The following MED26 variants were observed in gnomAD, a reference collection of about 807,000 sequenced individuals.
MED26 encodes mediator complex subunit 26.
Under a neutral mutation model 43.7 loss-of-function variants are expected in MED26, and 7 were observed. The ratio of observed to expected loss-of-function variants is 0.16; its 90% CI spans 0.09 to 0.30. MED26 has a LOEUF of 0.30. Ranked by LOEUF, MED26 falls within the 10% of genes least tolerant of loss-of-function variation. The pLI, the probability that MED26 is intolerant of heterozygous loss-of-function variation, is 1.00. For missense variants in MED26, 784 were observed against 840.6 expected (o/e 0.93, Z 0.83); for synonymous variants, 375 against 371.1 (o/e 1.01, Z -0.12).
At position 16,586,003 on chromosome 19, in the gene MED26, T is replaced by C. The variant is rs1025063812; in HGVS notation, c.73-7594A>G. Among the ~76,000 whole-genome samples, 3 of 152,244 alleles carry C rather than the reference T, an allele frequency of 2.0e-5. No homozygotes were observed. The highest frequency in any genetic ancestry group is 7.2e-5 in the African/African-American group (3 of 41,464). On this transcript the variant is annotated intron_variant, in intron 1 of 2. Coordinates refer to ENST00000263390, the MANE Select transcript of MED26 (RefSeq NM_004831.5). The surrounding 1 kb of genome is among the most constrained non-coding windows in gnomAD (Gnocchi z 5.1). Reference sequence around the variant, plus strand: ...CTGGTCTGAAACAAGGAACTGAGACTGAGTTTTGAGTCCCAGCAGCCCCTT... The same window carrying C: ...CTGGTCTGAAACAAGGAACTGAGACCGAGTTTTGAGTCCCAGCAGCCCCTT...
intron 1 of MED26, among the ~76,000 whole-genome samples, chr19:16,605,482 AAC>A (rs573607532): frequency 1.3e-5 from 2 of 152,200 alleles, no homozygotes; most frequent in Non-Finnish European, 1.5e-5. Flanking sequence ...AAATGGATAG[AAC>A]ACAGAGACAG....
intron 1 of MED26, 71 bp from the exon 2 acceptor site, chr19:16,578,480 G>C: frequency 7.0e-7 from 1 of 1,427,652 alleles, no homozygotes; most frequent in South Asian, 1.2e-5. Context: ...CCCTGCCCCA[G>C]CCTGCTCCAG....
chr19:16,618,482 G>A (rs2086235945), intron 1 of MED26, among the ~76,000 whole-genome samples: 1 of 152,244 alleles, frequency 6.6e-6, no homozygotes, highest in Non-Finnish European at 1.5e-5. Context: ...GGCAAATGGA[G>A]TCTGTGGTTT....
At chr19:16,601,929 C>T (rs1301622118) in intron 1 of MED26, among the ~76,000 whole-genome samples, 5 of 152,132 alleles carry the variant, frequency 3.3e-5, no homozygotes, top group Non-Finnish European at 7.4e-5. Flanking sequence ...CCTCAGGGAG[C>T]GACATGGTGA....
At chr19:16,615,714 C>A (rs1411406164) in intron 1 of MED26, among the ~76,000 whole-genome samples, 1 of 151,700 alleles carries the variant, frequency 6.6e-6, no homozygotes, top group East Asian at 1.9e-4. Flanking sequence ...CCATTGCACT[C>A]CAGCCTGGGA....
At chr19:16,592,395 G>C (rs748098712) in intron 1 of MED26, among the ~76,000 whole-genome samples, 91 of 152,344 alleles carry the variant, frequency 6.0e-4, no homozygotes, top group Middle Eastern at 6.8e-3. Flanking sequence ...TGGTGTGACA[G>C]GGTCCAGACA....
intron 1 of MED26, among the ~76,000 whole-genome samples, chr19:16,600,201 C>T (rs992181987): frequency 1.3e-5 from 2 of 151,872 alleles, no homozygotes; most frequent in African/African-American, 4.8e-5. Context: ...CTGCAGCAGC[C>T]CCCTCCTGCT....
rs367966430 is a variant in MED26 at position 16,577,419 on chromosome 19, G to A, written c.411C>T (p.Pro137=). 1.7e-3 allele frequency: 2,701 copies of A among 1,600,990 alleles called. 34 individuals carry two copies. The South Asian group carries it at 0.024, about 14-fold the overall frequency. Residue 137 remains proline, a synonymous_variant, in exon 3 of 3, where the codon CCC becomes CCT. Transcript: ENST00000263390. This position sits in a 1 kb window ranked among gnomAD's most constrained non-coding sequence, Gnocchi z 8.1. The part of the protein sequence containing the change: ...LKSRNDLQRL[P]GQRLDRLGSR... ...TGCCCAGCCTGTCCAGCCGCTGCCC[G>A]GGCAGCCTCTGGAGGTCATTGCGGC...
Position 16,576,025 on chromosome 19 carries a change from G to A in MED26, c.*2C>T, listed in dbSNP as rs149602965. 42 of 1,603,568 alleles carry A rather than the reference G, an allele frequency of 2.6e-5. No individual in the cohort carries two copies. In the Admixed American group the frequency reaches 5.3e-4, roughly 20 times the overall value. On this transcript the variant is annotated 3_prime_UTR_variant, in exon 3 of 3. Transcript: ENST00000263390. The surrounding 1 kb of genome is among the most constrained non-coding windows in gnomAD (Gnocchi z 6.8). ...GAATGCACTTTGTGGCTGACAGGCC[G>A]GTCAGTCCAAGCAGACATAAGGCAG...
rs867438499 is a variant in MED26 at position 16,584,300 on chromosome 19, C to G, written c.73-5891G>C. ...AAACCGAAACCCAAACACTGCCCCC[C>G]CCCGCCCCGCCAAAAAAAAACAAAA... On this transcript the variant is annotated intron_variant, in intron 1 of 2. Transcript: ENST00000263390. Among the ~76,000 whole-genome samples, 116 of 141,540 alleles carry G rather than the reference C, an allele frequency of 8.2e-4. 3 individuals are homozygous for G. The East Asian group carries it at 0.011, about 13-fold the overall frequency. 92.9% of individuals were successfully genotyped at this position (141,540 alleles called of 152,430 possible).
At chr19:16,581,606 G>A (rs2086045864) in intron 1 of MED26, among the ~76,000 whole-genome samples, 1 of 152,248 alleles carries the variant, frequency 6.6e-6, no homozygotes, top group East Asian at 1.9e-4. Context: ...CCATCCTGCT[G>A]CCAGACAAGA....
chr19:16,592,216 C>T (rs887431015), intron 1 of MED26, among the ~76,000 whole-genome samples: 3 of 152,204 alleles, frequency 2.0e-5, no homozygotes, highest in African/African-American at 7.2e-5. Flanking sequence ...AGGTGTGACT[C>T]ATCCAATCCC....
intron 1 of MED26, among the ~76,000 whole-genome samples, chr19:16,595,523 C>T (rs977517431): frequency 5.9e-5 from 9 of 152,152 alleles, no homozygotes; most frequent in African/African-American, 2.2e-4. Context: ...GAAGGGATGA[C>T]ATCCTGTGGT....
intron 1 of MED26, among the ~76,000 whole-genome samples, chr19:16,583,847 A>G (rs2086057699): frequency 6.6e-6 from 1 of 152,186 alleles, no homozygotes; most frequent in Non-Finnish European, 1.5e-5. Context: ...AGAAAAACCA[A>G]GCAGGGAGGC....
rs938029774 is a variant in MED26, at chr19:16,586,758, G to GC, written c.73-8350dup. The GC allele has an allele frequency of 2.0e-5, 3 of 152,234 alleles. No individual in the cohort carries two copies. The highest frequency in any genetic ancestry group is 2.9e-5 in the Non-Finnish European group (2 of 68,068). 9.4% of individuals were successfully genotyped at this position (152,234 alleles called of 1,614,324 possible). A position where few individuals can be genotyped will look rare whatever the true frequency, so the allele number is the denominator to read the frequency against. On this transcript the variant is annotated intron_variant, in intron 1 of 2. Coordinates refer to ENST00000263390, the MANE Select transcript of MED26 (RefSeq NM_004831.5). This position sits in a 1 kb window ranked among gnomAD's most constrained non-coding sequence, Gnocchi z 5.1. ...CCTTCCTGACCACCCTGGACGGTGGGCGGCACTGCCCTGGCAGCCTGTGGG... is the reference window on the plus strand; with the variant it reads ...CCTTCCTGACCACCCTGGACGGTGGGCCGGCACTGCCCTGGCAGCCTGTGGG...
At chr19:16,627,851 G>A in intron 1 of MED26, 21 bp downstream of exon 1, 2 of 1,472,414 alleles carry the variant, frequency 1.4e-6, no homozygotes, top group South Asian at 1.3e-5. Flanking sequence ...CTCCGTCCCA[G>A]CTCGCGCGGC....
intron 1 of MED26, chr19:16,588,148 G>A (rs2086079534): frequency 6.6e-6 from 1 of 152,238 alleles, no homozygotes; most frequent in Admixed American, 6.5e-5. Context: ...AAATTGACTC[G>A]TTGCTACGCG....
chr19:16,598,298 T>C (rs907795587), intron 1 of MED26, among the ~76,000 whole-genome samples: 5 of 142,290 alleles, frequency 3.5e-5, no homozygotes, highest in African/African-American at 5.4e-5. Context: ...GATCACGCCA[T>C]TGCACTCCAG....
intron 1 of MED26, among the ~76,000 whole-genome samples, chr19:16,619,893 G>A (rs192493460): frequency 2.6e-5 from 4 of 152,294 alleles, no homozygotes; most frequent in African/African-American, 9.6e-5. Context: ...TGAAAATCTG[G>A]GGGGATGTGT....
Sources: allele counts gnomAD v4.1 joint callset (sites outside exome capture counted in the v4.1 genomes callset), GRCh38; gene constraint gnomAD v4.1.1; non-coding constraint Gnocchi (gnomAD v3.1); transcripts MANE v1.5; gene names NCBI Gene and HGNC (gene_info 2026-07-23, HGNC 2026-07-21).